Variants in ITFG2 observed in about 807,000 individuals in gnomAD.
The protein encoded by ITFG2 is KICSTOR complex protein ITFG2.
In ITFG2, 36 loss-of-function variants were observed where a neutral mutation model predicts 54.4. The observed-to-expected ratio is 0.66, with a 90% confidence interval of 0.51 to 0.87. The LOEUF (loss-of-function observed/expected upper bound fraction) is 0.87. Among genes scored for constraint, ITFG2 ranks in the 40% least tolerant of loss-of-function variants. The pLI is 0.00. For missense variants in ITFG2, 524 were observed against 576.7 expected (o/e 0.91, Z 0.94); for synonymous variants, 211 against 225.4 (o/e 0.94, Z 0.57).
At chr12:2,846,407 C>T (rs1051041756) in intron 2 of ITFG2, among the ~76,000 whole-genome samples, 5 of 152,280 alleles carry the variant, frequency 3.3e-5, no homozygotes, top group East Asian at 3.9e-4. Context: ...CAGGGCCTCT[C>T]GCTGTGAGGT....
chr12:2,847,521 G>A (rs1466876138), intron 2 of ITFG2, among the ~76,000 whole-genome samples: 7 of 152,102 alleles, frequency 4.6e-5, no homozygotes, highest in African/African-American at 1.4e-4. Flanking sequence ...CAAAAAATTA[G>A]CCGGGCATCG....
chr12:2,854,638 A>T (rs2153929506), intron 2 of ITFG2, among the ~76,000 whole-genome samples: 1 of 152,162 alleles, frequency 6.6e-6, no homozygotes, highest in South Asian at 2.1e-4. Flanking sequence ...ACTGAGTCAC[A>T]CTTCTCTGTG....
intron 1 of ITFG2, among the ~76,000 whole-genome samples, chr12:2,838,557 C>A (rs2098033867): frequency 6.6e-6 from 1 of 152,130 alleles, no homozygotes; most frequent in Non-Finnish European, 1.5e-5. Context: ...CTTCTCTCTT[C>A]CAGTTAGTCT....
chr12:2,818,348 A>G (rs1603482776), intron 4 of ITFG2, 71 bp downstream of exon 4: 2 of 1,592,744 alleles, frequency 1.3e-6, no homozygotes, highest in Non-Finnish European at 1.7e-6. Flanking sequence ...ATCCCAAGGG[A>G]TTGGGGTGAG....
intron 2 of ITFG2, chr12:2,855,259 C>T: frequency 1.3e-6 from 2 of 1,511,822 alleles, no homozygotes; most frequent in South Asian, 1.2e-5. Context: ...CTGGGCGCCA[C>T]CCTTCCAAGG....
exon 4 of ITFG2, chr12:2,859,546 C>T: frequency 6.2e-7 from 1 of 1,614,074 alleles, no homozygotes; most frequent in Non-Finnish European, 8.5e-7. Context: ...TGGATTTCTT[C>T]CTCCTTGATA....
In ITFG2 at chr12:2,859,257, G is replaced by A. The variant is rs757092453; in HGVS notation, n.621-277G>A. 20 of 1,613,564 alleles carry A rather than the reference G, an allele frequency of 1.2e-5. No individual in the cohort carries two copies. Among genetic ancestry groups the A allele is most frequent in the South Asian group, 3.3e-5 (3 of 91,082 alleles). The stretch of plus-strand genomic sequence containing the variant: ...GGGCCCCTCTGAGAAGAGCAGCTCC[G>A]GCTCATCCACACAGGGAGGCAGTAG... On this transcript the variant is annotated intron_variant and non_coding_transcript_variant, in intron 3 of 3. Coordinates refer to the ITFG2 transcript ENST00000537710.
At chr12:2,830,384 G>GT (rs1034604345) in intron 2 of ITFG2, 2 of 216,238 alleles carry the variant, frequency 9.2e-6, no homozygotes, top group South Asian at 1.4e-4. Context: ...GAACACATGA[G>GT]TTTTTTCCAG....
At chr12:2,829,134 T>C (rs2097986470), downstream of ITFG2, among the ~76,000 whole-genome samples, 1 of 152,162 alleles carries the variant, frequency 6.6e-6, no homozygotes, top group South Asian at 2.1e-4. Context: ...TTTGTTTGTT[T>C]AGAGGAATCC....
intron 3 of ITFG2, chr12:2,859,502 G>A: frequency 1.2e-6 from 2 of 1,614,006 alleles, no homozygotes; most frequent in Non-Finnish European, 1.7e-6. Context: ...CCACTTTGAT[G>A]GGTCTCGCTA....
chr12:2,841,976 CA>C (rs2098042157), intron 2 of ITFG2, among the ~76,000 whole-genome samples: 1 of 151,874 alleles, frequency 6.6e-6, no homozygotes, highest in Non-Finnish European at 1.5e-5. Context: ...TTCAGCCTCC[CA>C]AAGTGCTGGG....
At chr12:2,848,707 C>T (rs993278451) in intron 2 of ITFG2, among the ~76,000 whole-genome samples, 1 of 152,204 alleles carries the variant, frequency 6.6e-6, no homozygotes, top group Admixed American at 6.5e-5. Context: ...TTTGTCCAGA[C>T]ATCAAATGGT....
upstream of ITFG2, chr12:2,834,689 G>C: frequency 1.9e-6 from 3 of 1,613,442 alleles, no homozygotes; most frequent in Non-Finnish European, 2.5e-6. Flanking sequence ...AGCGGGAGCA[G>C]GTCGGCCGAG....
At chr12:2,858,778 G>A in intron 3 of ITFG2, 3 of 1,614,244 alleles carry the variant, frequency 1.9e-6, no homozygotes, top group Non-Finnish European at 2.5e-6. Context: ...CCTTCTGTCA[G>A]AGAACGATTG....
chr12:2,814,380 T>A (rs550668584), intron 1 of ITFG2, among the ~76,000 whole-genome samples: 1 of 152,246 alleles, frequency 6.6e-6, no homozygotes, highest in Non-Finnish European at 1.5e-5. Context: ...ATTGTACTTA[T>A]CTGAAAGAAT....
intron 2 of ITFG2, among the ~76,000 whole-genome samples, chr12:2,847,183 T>C (rs1472851941): frequency 6.6e-6 from 1 of 152,200 alleles, no homozygotes; most frequent in African/African-American, 2.4e-5. Context: ...GTAACATGTA[T>C]TCTTTTAAAA....
At chr12:2,830,949 C>CG (rs2097998935), downstream of ITFG2, 1 of 1,402,816 alleles carries the variant, frequency 7.1e-7, no homozygotes, top group African/African-American at 1.4e-5. Context: ...CCCCAGGATG[C>CG]TCCCCCCACC....
downstream of ITFG2, chr12:2,827,300 C>T (rs985695360): frequency 1.2e-6 from 2 of 1,613,276 alleles, no homozygotes; most frequent in Non-Finnish European, 1.7e-6. The surrounding 1 kb of genome is among the most constrained non-coding windows in gnomAD (Gnocchi z 4.0). Flanking sequence ...CGATGCAGCA[C>T]TGCGGGGTGT....
upstream of ITFG2, among the ~76,000 whole-genome samples, chr12:2,831,923 G>T (rs773875875): frequency 2.6e-5 from 4 of 152,066 alleles, no homozygotes; most frequent in Non-Finnish European, 5.9e-5. Flanking sequence ...GTTACTGCCT[G>T]TGTTCCAGAC....
Sources: gnomAD v4.1 joint callset for allele counts (sites outside exome capture counted in the v4.1 genomes callset) on GRCh38, gnomAD v4.1.1 for gene constraint, Gnocchi (gnomAD v3.1) non-coding constraint, MANE v1.5 for transcripts, NCBI Gene and HGNC (gene_info 2026-07-23, HGNC 2026-07-21) for gene names.